Variants in YY1 observed in about 807,000 individuals in gnomAD.
The protein encoded by YY1 is transcriptional repressor protein YY1.
YY1 carries 2 observed loss-of-function variants against 35.6 expected under a neutral mutation model. The ratio of observed to expected loss-of-function variants is 0.06; its 90% CI spans 0.02 to 0.18. The LOEUF (loss-of-function observed/expected upper bound fraction) is 0.18. Ranked by LOEUF, YY1 falls within the 10% of genes least tolerant of loss-of-function variation. The probability of loss-of-function intolerance (pLI) is 1.00; values close to 1 mark genes in which losing one functional copy is unlikely to be tolerated. For synonymous variants in YY1, 268 were observed against 238.9 expected (o/e 1.12, Z -1.12); for missense variants, 322 against 573.4 (o/e 0.56, Z 4.48).
intron 1 of YY1, among the ~76,000 whole-genome samples, chr14:100,255,209 G>A (rs904201101): frequency 3.9e-5 from 6 of 152,022 alleles, no homozygotes; most frequent in African/African-American, 1.5e-4. Flanking sequence ...TCATAAATGT[G>A]ATAACATGTG....
chr14:100,239,256 C>T lies in YY1; in HGVS notation c.12C>T (p.Gly4=). ...CGGAGCCCTCAGCCATGGCCTCGGG[C>T]GACACCCTCTACATCGCCACGGACG... MAS[G]DTLYIATDGS... The change falls in exon 1 of 5, where the codon GGC becomes GGT. Residue 4 remains glycine, a synonymous_variant. Coordinates refer to ENST00000262238, the MANE Select transcript of YY1 (RefSeq NM_003403.5). The T allele has an allele frequency of 1.3e-6, 2 of 1,566,752 alleles. No individual in the cohort carries two copies. Among genetic ancestry groups the T allele is most frequent in the Non-Finnish European group, 8.6e-7 (1 of 1,159,998 alleles).
At chr14:100,239,988 G>A (rs1890703349) in intron 1 of YY1, 65 bp downstream of exon 1, 5 of 1,439,972 alleles carry the variant, frequency 3.5e-6, no homozygotes, top group Middle Eastern at 1.8e-4. Flanking sequence ...CATGTTTTAT[G>A]TGTGTGATGG....
intron 1 of YY1, among the ~76,000 whole-genome samples, chr14:100,260,850 CAGTGACGT>C (rs1351893828): frequency 8.4e-6 from 1 of 119,082 alleles, no homozygotes; most frequent in Non-Finnish European, 1.6e-5. Context: ...TGCAGTGACG[CAGTGACGT>C]GGTCACGGCT....
intron 1 of YY1, among the ~76,000 whole-genome samples, chr14:100,258,264 G>A (rs1425428496): frequency 6.6e-6 from 1 of 152,206 alleles, no homozygotes; most frequent in African/African-American, 2.4e-5. Context: ...CACGTGCAGG[G>A]GGTGTCAGTA....
Position 100,239,194 on chromosome 14 carries a change from C to G in YY1, c.-51C>G. On this transcript the variant is annotated 5_prime_UTR_variant, in exon 1 of 5. Transcript: ENST00000262238. ...CCGGCCGCCTCCTCGCCCGCCCGCC[C>G]GCAGCCGAGGAGCCGAGGCCGCCGC... The G allele has an allele frequency of 7.3e-7, 1 of 1,371,808 alleles. No individual in the cohort carries two copies. The highest frequency in any genetic ancestry group is 9.3e-7 in the Non-Finnish European group (1 of 1,070,474). The allele number at this position is 1,371,808 out of a possible 1,614,324, so 85.0% of individuals were successfully genotyped here. A position where few individuals can be genotyped will look rare whatever the true frequency, so the allele number is the denominator to read the frequency against.
At chr14:100,245,487 T>G (rs532241513) in intron 1 of YY1, among the ~76,000 whole-genome samples, 1 of 152,304 alleles carries the variant, frequency 6.6e-6, no homozygotes, top group Non-Finnish European at 1.5e-5. Context: ...AGTGTTTACT[T>G]TGGCCTTTTT....
intron 1 of YY1, among the ~76,000 whole-genome samples, chr14:100,251,620 G>A (rs1890925466): frequency 6.6e-6 from 1 of 152,152 alleles, no homozygotes; most frequent in Non-Finnish European, 1.5e-5. Context: ...CTTAAACCTA[G>A]GAGAGGGGGG....
rs1205058306 is a variant in YY1, at chr14:100,262,160, TC to T, written c.680-142del. ...CCTGGGTGACAGAGTGAGACCGTTC[TC>T]CAAAAAAAAAAAAGGGAGAGGGGAG... On this transcript the variant is annotated intron_variant, in intron 1 of 4. Coordinates refer to ENST00000262238, the MANE Select transcript of YY1 (RefSeq NM_003403.5). 91 of 825,076 alleles carry T rather than the reference TC, an allele frequency of 1.1e-4. No individual in the cohort carries two copies. In the African/African-American group the frequency reaches 1.5e-3, roughly 14 times the overall value. 51.1% of individuals were successfully genotyped at this position (825,076 alleles called of 1,614,324 possible). A position where few individuals can be genotyped will look rare whatever the true frequency, so the allele number is the denominator to read the frequency against.
intron 2 of YY1, among the ~76,000 whole-genome samples, chr14:100,266,965 G>A (rs960674468): frequency 6.6e-6 from 1 of 152,126 alleles, no homozygotes; most frequent in Non-Finnish European, 1.5e-5. Context: ...CCTAGTGCAC[G>A]ACAACCAAGA....
At chr14:100,249,760 G>GTTTTTTTTTTTTTTTTTTTTTTTTTTTT in intron 1 of YY1, among the ~76,000 whole-genome samples, 1 of 143,052 alleles carries the variant, frequency 7.0e-6, no homozygotes, top group African/African-American at 2.6e-5. Flanking sequence ...TTTTTTTTTT[G>GTTTTTTTTTTTTTTTTTTTTTTTTTTTT]TTTGTTTTTG....
At chr14:100,261,415 C>A (rs548642714) in intron 1 of YY1, among the ~76,000 whole-genome samples, 21 of 152,152 alleles carry the variant, frequency 1.4e-4, no homozygotes, top group Admixed American at 1.2e-3. Flanking sequence ...GTCTCAAACT[C>A]CTGATTGCAA....
intron 1 of YY1, among the ~76,000 whole-genome samples, chr14:100,245,432 G>C (rs139787471): frequency 1.6e-3 from 237 of 152,218 alleles, no homozygotes; most frequent in African/African-American, 5.3e-3. Flanking sequence ...CAGACACCCA[G>C]CTTCAACTAT....
At chr14:100,240,990 C>T (rs561654889) in intron 1 of YY1, among the ~76,000 whole-genome samples, 35 of 152,234 alleles carry the variant, frequency 2.3e-4, no homozygotes, top group African/African-American at 7.9e-4. Flanking sequence ...TTTTGTTTTA[C>T]TGTTTTAATA....
Position 100,239,179 on chromosome 14 carries a change from C to CCTCGCCCG in YY1, c.-64_-57dup. 1 of 1,338,826 alleles carries CCTCGCCCG rather than the reference C, an allele frequency of 7.5e-7. No individual in the cohort carries two copies. The highest frequency in any genetic ancestry group is 9.5e-7 in the Non-Finnish European group (1 of 1,053,004). 82.9% of individuals were successfully genotyped at this position (1,338,826 alleles called of 1,614,324 possible). A position where few individuals can be genotyped will look rare whatever the true frequency, so the allele number is the denominator to read the frequency against. On this transcript the variant is annotated 5_prime_UTR_variant, in exon 1 of 5. Coordinates refer to ENST00000262238, the MANE Select transcript of YY1 (RefSeq NM_003403.5). ...CTTCCTTCCCCACGGCCGGCCGCCT[C>CCTCGCCCG]CTCGCCCGCCCGCCCGCAGCCGAGG...
At chr14:100,240,057 CGGCGGCGGGGGCGCGGCGGCGGCGGCG>C in intron 1 of YY1, 134 bp downstream of exon 1, 2 of 732,996 alleles carry the variant, frequency 2.7e-6, no homozygotes, top group Non-Finnish European at 1.8e-6. Context: ...GCGGGCCGTG[CGGCGGCGGGGGCGCGGCGGCGGCGGCG>C]GGCGGCGGGC....
intron 1 of YY1, among the ~76,000 whole-genome samples, chr14:100,249,155 T>C (rs1180289668): frequency 1.7e-5 from 2 of 120,676 alleles, no homozygotes; most frequent in African/African-American, 6.4e-5. Flanking sequence ...AGTTTTGCTC[T>C]GTTGCCCAGG....
chr14:100,268,885 T>C (rs1378174763), intron 2 of YY1, among the ~76,000 whole-genome samples: 3 of 152,210 alleles, frequency 2.0e-5, no homozygotes, highest in Non-Finnish European at 4.4e-5. Flanking sequence ...TCCAAAAATG[T>C]TTCATCTCCC....
At chr14:100,242,616 C>T (rs1229920842) in intron 1 of YY1, among the ~76,000 whole-genome samples, 1 of 151,964 alleles carries the variant, frequency 6.6e-6, no homozygotes, top group African/African-American at 2.4e-5. Context: ...TCTTGATCTC[C>T]TAACCTCGTG....
intron 1 of YY1, among the ~76,000 whole-genome samples, chr14:100,246,253 A>C (rs1890831798): frequency 1.3e-5 from 2 of 152,192 alleles, no homozygotes; most frequent in Admixed American, 1.3e-4. Flanking sequence ...CTGCCTGCCC[A>C]TGGCTAATGA....
Sources: gnomAD v4.1 joint callset for allele counts (sites outside exome capture counted in the v4.1 genomes callset) on GRCh38, gnomAD v4.1.1 for gene constraint, MANE v1.5 for transcripts, NCBI Gene and HGNC (gene_info 2026-07-23, HGNC 2026-07-21) for gene names.